The following PFDN2 variants were observed in gnomAD, a reference collection of about 807,000 sequenced individuals.
PFDN2 encodes the protein prefoldin subunit 2.
Under a neutral mutation model 18.3 loss-of-function variants are expected in PFDN2, and 7 were observed. That is an observed-to-expected ratio of 0.38 (90% confidence interval 0.22 to 0.72). The LOEUF (loss-of-function observed/expected upper bound fraction) is 0.72, where lower values mean the gene tolerates loss of function less well. PFDN2 is among the 30% of genes least tolerant of loss of function. The pLI is 0.47. For synonymous variants in PFDN2, 76 were observed against 75.0 expected (o/e 1.01, Z -0.07); for missense variants, 181 against 199.1 (o/e 0.91, Z 0.55).
At chr1:161,106,836 C>T (rs1654686652) in intron 1 of PFDN2, among the ~76,000 whole-genome samples, 1 of 152,102 alleles carries the variant, frequency 6.6e-6, no homozygotes, top group Non-Finnish European at 1.5e-5. Context: ...GATGGGGTCT[C>T]ACTCTGTTCC....
At chr1:161,113,243 C>T (rs1336223364) in intron 1 of PFDN2, among the ~76,000 whole-genome samples, 3 of 152,170 alleles carry the variant, frequency 2.0e-5, no homozygotes, top group Non-Finnish European at 2.9e-5. Context: ...ATCATATTCC[C>T]TACTTTCTAT....
chr1:161,109,811 T>C (rs1654764852), intron 1 of PFDN2, among the ~76,000 whole-genome samples: 2 of 152,132 alleles, frequency 1.3e-5, no homozygotes, highest in African/African-American at 4.8e-5. Flanking sequence ...CTGGCTAACA[T>C]GGTGAAACCC....
At position 161,100,665 on chromosome 1, in the gene PFDN2, A is replaced by C. The variant is rs762357842; in HGVS notation, c.*18T>G. The C allele has an allele frequency of 6.6e-7, 1 of 1,522,146 alleles. No individual in the cohort carries two copies. Among genetic ancestry groups the C allele is most frequent in the Admixed American group, 2.1e-5 (1 of 47,122 alleles). The allele number at this position is 1,522,146 out of a possible 1,614,324, so 94.3% of individuals were successfully genotyped here. A position where few individuals can be genotyped will look rare whatever the true frequency, so the allele number is the denominator to read the frequency against. The stretch of plus-strand genomic sequence containing the variant: ...GAAGTGGGAGTCAGGGTAGAAAAAA[A>C]TGCAAAGGCCTTGGTCCCTAGGAGA... On this transcript the variant is annotated 3_prime_UTR_variant, in exon 4 of 4. Coordinates refer to ENST00000368010, the MANE Select transcript of PFDN2 (RefSeq NM_012394.4).
At chr1:161,117,538 T>C (rs769738974) in intron 1 of PFDN2, among the ~76,000 whole-genome samples, 1 of 152,178 alleles carries the variant, frequency 6.6e-6, no homozygotes, top group African/African-American at 2.4e-5. Flanking sequence ...GTGACGGCGA[T>C]TGTCAACGTG....
At chr1:161,107,282 G>A (rs567998726) in intron 1 of PFDN2, among the ~76,000 whole-genome samples, 13 of 152,234 alleles carry the variant, frequency 8.5e-5, no homozygotes, top group South Asian at 2.1e-4. Context: ...AAAATTAGCC[G>A]GGTGTGGTGG....
chr1:161,112,238 T>C (rs1654826845), intron 1 of PFDN2, among the ~76,000 whole-genome samples: 1 of 152,230 alleles, frequency 6.6e-6, no homozygotes, highest in African/African-American at 2.4e-5. Context: ...CATCAAGAAC[T>C]TAGGACAATA....
intron 1 of PFDN2, among the ~76,000 whole-genome samples, chr1:161,116,313 C>T (rs779492615): frequency 1.1e-4 from 16 of 152,072 alleles, no homozygotes; most frequent in Admixed American, 4.6e-4. Context: ...GTCAGGAGTT[C>T]GAGACCAGCT....
chr1:161,101,238 C>T (rs1654551949), intron 3 of PFDN2, among the ~76,000 whole-genome samples: 1 of 151,262 alleles, frequency 6.6e-6, no homozygotes, highest in African/African-American at 2.4e-5. Flanking sequence ...ATCGCTGTGT[C>T]GCCCAGGCTG....
At chr1:161,102,020 C>G (rs1206090392) in intron 3 of PFDN2, 28 bp downstream of exon 3, 1 of 1,613,428 alleles carries the variant, frequency 6.2e-7, no homozygotes, top group Non-Finnish European at 8.5e-7. Context: ...GCCACTGTAC[C>G]CGATCCTATT....
chr1:161,110,808 CTCT>C (rs993927525), intron 1 of PFDN2, among the ~76,000 whole-genome samples: 2 of 149,752 alleles, frequency 1.3e-5, no homozygotes, highest in African/African-American at 4.9e-5. Flanking sequence ...CTCATCCCTT[CTCT>C]TCATGAAATT....
At chr1:161,115,165 C>T (rs746603459) in intron 1 of PFDN2, among the ~76,000 whole-genome samples, 4 of 152,116 alleles carry the variant, frequency 2.6e-5, no homozygotes, top group Non-Finnish European at 5.9e-5. Flanking sequence ...CGGATTCAAG[C>T]GATTCTCCCT....
chr1:161,108,114 C>CAAAAAA (rs762075662), intron 1 of PFDN2, among the ~76,000 whole-genome samples: 7 of 69,148 alleles, frequency 1.0e-4, no homozygotes, highest in Admixed American at 1.8e-4. Flanking sequence ...GACTCTGTCT[C>CAAAAAA]AAAAAAAAAA....
Position 161,103,505 on chromosome 1 carries a change from T to C in PFDN2, c.76-1130A>G, listed in dbSNP as rs566805249. ...GAGATCAAGATCATCCTGGCCAACA[T>C]GGTGAAACCCCATCTCTACTAAAAT... is the stretch of plus-strand genomic sequence containing the variant. On this transcript the variant is annotated intron_variant, in intron 1 of 3. Coordinates refer to ENST00000368010, the MANE Select transcript of PFDN2 (RefSeq NM_012394.4). Among the ~76,000 whole-genome samples, 5 of 150,976 alleles carry C rather than the reference T, an allele frequency of 3.3e-5. No homozygotes were observed. In the South Asian group the frequency reaches 1.0e-3, roughly 32 times the overall value.
chr1:161,103,410 C>G (rs1239248932), intron 1 of PFDN2, among the ~76,000 whole-genome samples: 1 of 149,980 alleles, frequency 6.7e-6, no homozygotes, highest in African/African-American at 2.4e-5. Flanking sequence ...AAAAAAAGGG[C>G]CAGGCGTGGT....
intron 1 of PFDN2, among the ~76,000 whole-genome samples, chr1:161,112,390 C>T (rs1467036498): frequency 6.6e-6 from 1 of 152,240 alleles, no homozygotes; most frequent in Non-Finnish European, 1.5e-5. Context: ...ACTGACATCA[C>T]TCTAGGCCTC....
chr1:161,100,943 T>A, intron 3 of PFDN2, 84 bp from the exon 4 acceptor site: 1 of 977,018 alleles, frequency 1.0e-6, no homozygotes, highest in Non-Finnish European at 1.6e-6. Context: ...GAGGAAGTGT[T>A]AACACATTTA....
chr1:161,109,993 G>C (rs1654772574), intron 1 of PFDN2, among the ~76,000 whole-genome samples: 1 of 152,088 alleles, frequency 6.6e-6, no homozygotes, highest in Non-Finnish European at 1.5e-5. Context: ...GGCGGAAGTT[G>C]CAGTGAACCC....
chr1:161,109,120 G>C (rs535843455), intron 1 of PFDN2, among the ~76,000 whole-genome samples: 1 of 152,124 alleles, frequency 6.6e-6, no homozygotes, highest in Non-Finnish European at 1.5e-5. Flanking sequence ...CCAATCAGTT[G>C]TTCCCTCCAC....
intron 1 of PFDN2, among the ~76,000 whole-genome samples, chr1:161,109,832 T>C (rs1654765297): frequency 6.6e-6 from 1 of 151,978 alleles, no homozygotes; most frequent in African/African-American, 2.4e-5. Flanking sequence ...TGCAGATCAC[T>C]TGAGGCCAGG....
Sources: gnomAD v4.1 joint callset for allele counts (sites outside exome capture counted in the v4.1 genomes callset) on GRCh38, gnomAD v4.1.1 for gene constraint, MANE v1.5 for transcripts, NCBI Gene and HGNC (gene_info 2026-07-23, HGNC 2026-07-21) for gene names.